The following GPC6 variants were observed in gnomAD, a reference collection of about 807,000 sequenced individuals.
The protein encoded by GPC6 is glypican-6.
GPC6 carries 14 observed loss-of-function variants against 55.2 expected under a neutral mutation model. The ratio of observed to expected loss-of-function variants is 0.25; its 90% CI spans 0.17 to 0.40. The LOEUF (loss-of-function observed/expected upper bound fraction) is 0.40. Among genes scored for constraint, GPC6 ranks in the 10% least tolerant of loss-of-function variants. The pLI, the probability that GPC6 is intolerant of heterozygous loss-of-function variation, is 1.00. For synonymous variants in GPC6, 278 were observed against 259.6 expected (o/e 1.07, Z -0.68); for missense variants, 641 against 708.5 (o/e 0.90, Z 1.08).
intron 2 of GPC6, among the ~76,000 whole-genome samples, chr13:93,789,608 T>TA (rs3077838): frequency 0.23 from 7,501 of 32,936 alleles, 798 homozygotes; most frequent in South Asian, 0.3. Context: ...CATATATATA[T>TA]ATATATATAT....
intron 2 of GPC6, among the ~76,000 whole-genome samples, chr13:93,784,513 T>C (rs1379250535): frequency 6.6e-6 from 1 of 152,194 alleles, no homozygotes; most frequent in Non-Finnish European, 1.5e-5. Context: ...CTGCTCACAC[T>C]AACTCCCCAC....
intron 1 of GPC6, among the ~76,000 whole-genome samples, chr13:93,274,511 A>G (rs1877661853): frequency 6.6e-6 from 1 of 152,198 alleles, no homozygotes; most frequent in African/African-American, 2.4e-5. Context: ...CATTTACAGT[A>G]TTGCTATATT....
At chr13:94,244,532 TG>T (rs1891143317) in intron 4 of GPC6, among the ~76,000 whole-genome samples, 1 of 152,130 alleles carries the variant, frequency 6.6e-6, no homozygotes, top group Admixed American at 6.6e-5. Context: ...TAAAATTACC[TG>T]TGATGTCTAA....
intron 1 of GPC6, among the ~76,000 whole-genome samples, chr13:93,488,458 G>A (rs1461487322): frequency 6.6e-6 from 1 of 152,212 alleles, no homozygotes; most frequent in East Asian, 1.9e-4. Context: ...ATAGCAGCAT[G>A]ATTTATAATC....
chr13:93,648,947 A>G (rs1880291415), intron 2 of GPC6, among the ~76,000 whole-genome samples: 1 of 152,206 alleles, frequency 6.6e-6, no homozygotes, highest in Non-Finnish European at 1.5e-5. Flanking sequence ...AGTACATTCA[A>G]TAAATGATTT....
chr13:93,710,586 T>C (rs1016675453), intron 2 of GPC6, among the ~76,000 whole-genome samples: 1 of 151,794 alleles, frequency 6.6e-6, no homozygotes, highest in Admixed American at 6.6e-5. Flanking sequence ...ATCTGTCCAC[T>C]GGCTCCTATA....
chr13:93,799,451 G>A (rs544185826), intron 2 of GPC6, among the ~76,000 whole-genome samples: 2 of 152,262 alleles, frequency 1.3e-5, no homozygotes, highest in East Asian at 3.9e-4. Flanking sequence ...TTTTAGGCTA[G>A]ATACTTCTGT....
At chr13:93,653,910 A>G (rs2139602345) in intron 2 of GPC6, among the ~76,000 whole-genome samples, 1 of 152,332 alleles carries the variant, frequency 6.6e-6, no homozygotes, top group Admixed American at 6.5e-5. Flanking sequence ...TTCTCTAGTC[A>G]TGCAACATCA....
intron 2 of GPC6, among the ~76,000 whole-genome samples, chr13:93,664,939 A>G (rs1389213066): frequency 1.3e-5 from 2 of 152,238 alleles, no homozygotes; most frequent in Admixed American, 6.5e-5. Context: ...ATCAGCAACA[A>G]TTTAAACAGT....
intron 1 of GPC6, among the ~76,000 whole-genome samples, chr13:93,522,179 T>C (rs943129870): frequency 6.6e-6 from 1 of 151,962 alleles, no homozygotes; most frequent in African/African-American, 2.4e-5. Flanking sequence ...TCTGCGCCTG[T>C]CATTATCTTT....
At chr13:94,084,439 A>T (rs1199836963) in intron 4 of GPC6, among the ~76,000 whole-genome samples, 6 of 152,210 alleles carry the variant, frequency 3.9e-5, no homozygotes, top group Non-Finnish European at 8.8e-5. Flanking sequence ...ATGATTCATG[A>T]TAGAAATCAA....
intron 4 of GPC6, among the ~76,000 whole-genome samples, chr13:94,227,970 G>A (rs1890609906): frequency 6.6e-6 from 1 of 152,188 alleles, no homozygotes; most frequent in Admixed American, 6.5e-5. Context: ...AGGAAGTACA[G>A]TCCAACAACA....
intron 3 of GPC6, among the ~76,000 whole-genome samples, chr13:93,960,025 C>T (rs1378987204): frequency 6.6e-6 from 1 of 152,134 alleles, no homozygotes; most frequent in African/African-American, 2.4e-5. Flanking sequence ...CCCTCACCCT[C>T]AGGCACGTTT....
intron 4 of GPC6, among the ~76,000 whole-genome samples, chr13:94,031,688 T>C (rs1202778160): frequency 6.6e-6 from 1 of 152,166 alleles, no homozygotes; most frequent in African/African-American, 2.4e-5. Flanking sequence ...TCTTGAAAAA[T>C]GTTTGTGTTA....
chr13:93,987,806 GTT>G (rs1881101580), intron 3 of GPC6, among the ~76,000 whole-genome samples: 1 of 152,234 alleles, frequency 6.6e-6, no homozygotes, highest in South Asian at 2.1e-4. Context: ...TATTATTACT[GTT>G]TTTTGCATAA....
At chr13:93,933,735 A>C (rs1275672043) in intron 3 of GPC6, among the ~76,000 whole-genome samples, 1 of 152,172 alleles carries the variant, frequency 6.6e-6, no homozygotes, top group Non-Finnish European at 1.5e-5. Flanking sequence ...GCCTTTCCAA[A>C]TGCCTTTCAA....
intron 2 of GPC6, among the ~76,000 whole-genome samples, chr13:93,743,919 T>A (rs1884295625): frequency 6.6e-6 from 1 of 152,228 alleles, no homozygotes; most frequent in Non-Finnish European, 1.5e-5. Context: ...TTTCTGCTGA[T>A]ACTGAATGGC....
At chr13:93,490,570 C>T (rs1209676738) in intron 1 of GPC6, among the ~76,000 whole-genome samples, 26 of 121,560 alleles carry the variant, frequency 2.1e-4, no homozygotes, top group Middle Eastern at 4.5e-3. Context: ...GCACGTTGTG[C>T]AGGTTAGTTA....
chr13:93,508,238 C>G (rs978626478), intron 1 of GPC6, among the ~76,000 whole-genome samples: 41 of 152,170 alleles, frequency 2.7e-4, no homozygotes, highest in Non-Finnish European at 3.1e-4. Context: ...ATAGGCTACT[C>G]TGATTTGTTC....
Sources: gnomAD v4.1 joint callset for allele counts (sites outside exome capture counted in the v4.1 genomes callset) on GRCh38, gnomAD v4.1.1 for gene constraint, MANE v1.5 for transcripts, NCBI Gene and HGNC (gene_info 2026-07-23, HGNC 2026-07-21) for gene names.